Variants in SPOCK1 observed in about 807,000 individuals in gnomAD.
SPOCK1 encodes the protein testican-1.
In SPOCK1, 23 loss-of-function variants were observed where a neutral mutation model predicts 55.3. The ratio of observed to expected loss-of-function variants is 0.42; its 90% confidence interval spans 0.30 to 0.59. SPOCK1 has a LOEUF of 0.59. Among genes scored for constraint, SPOCK1 ranks in the 20% least tolerant of loss-of-function variants. SPOCK1 has a pLI of 0.22. For missense variants in SPOCK1, 499 were observed against 552.5 expected (o/e 0.90, Z 0.97); for synonymous variants, 226 against 221.0 (o/e 1.02, Z -0.20).
At chr5:137,198,466 G>C (rs1266140463) in intron 3 of SPOCK1, among the ~76,000 whole-genome samples, 1 of 152,210 alleles carries the variant, frequency 6.6e-6, no homozygotes, top group East Asian at 1.9e-4. Flanking sequence ...AGGGAGAAAG[G>C]AAAGTAAGCA....
At chr5:137,338,633 C>T (rs1430468884) in intron 2 of SPOCK1, among the ~76,000 whole-genome samples, 1 of 151,652 alleles carries the variant, frequency 6.6e-6, no homozygotes, top group Non-Finnish European at 1.5e-5. Context: ...ACAGTCCCAC[C>T]AACAGTGTAA....
chr5:136,989,357 G>T (rs1010345440), intron 7 of SPOCK1, among the ~76,000 whole-genome samples: 1 of 152,092 alleles, frequency 6.6e-6, no homozygotes, highest in Non-Finnish European at 1.5e-5. Flanking sequence ...TCAACACTCG[G>T]GATATTGAGT....
At chr5:137,204,630 T>TTGCCCC (rs139839109) in intron 3 of SPOCK1, among the ~76,000 whole-genome samples, 44 of 151,798 alleles carry the variant, frequency 2.9e-4, no homozygotes, top group African/African-American at 1.0e-3. Context: ...CTTCTAGCAC[T>TTGCCCC]TACCCCTAGG....
intron 2 of SPOCK1, among the ~76,000 whole-genome samples, chr5:137,369,756 G>A (rs1751157352): frequency 6.6e-6 from 1 of 152,170 alleles, no homozygotes; most frequent in South Asian, 2.1e-4. Context: ...GCAGATGGCT[G>A]CCTCCTGGCT....
At chr5:137,332,766 CTG>C (rs998526778) in intron 2 of SPOCK1, among the ~76,000 whole-genome samples, 148 of 152,242 alleles carry the variant, frequency 9.7e-4, no homozygotes, top group African/African-American at 3.3e-3. Flanking sequence ...CGAGAAGCAA[CTG>C]TGTGTGTGTA....
rs142871854 is a variant in SPOCK1 at position 137,334,281 on chromosome 5, G to A, written c.187-67226C>T. 7.7e-3 allele frequency among the ~76,000 whole-genome samples: 1,166 copies of A among 152,204 alleles called. 7 individuals carry two copies. The highest frequency in any genetic ancestry group is 0.034 in the Middle Eastern group (10 of 294). ...AGATTAATAGAAGAGGTGACTTTTC[G>A]AAAGCTTTCCTCTTTCAAATATATG... On this transcript the variant is annotated intron_variant, in intron 2 of 10. Transcript: ENST00000394945.
chr5:137,125,638 C>T (rs761004511), intron 4 of SPOCK1, among the ~76,000 whole-genome samples: 9 of 152,072 alleles, frequency 5.9e-5, no homozygotes, highest in Admixed American at 1.3e-4. Flanking sequence ...AGTGCCTTGA[C>T]CTGGAACTTC....
At chr5:137,099,406 T>A (rs1321957833) in intron 5 of SPOCK1, among the ~76,000 whole-genome samples, 1 of 152,162 alleles carries the variant, frequency 6.6e-6, no homozygotes, top group Non-Finnish European at 1.5e-5. Context: ...CTGTGTCCTA[T>A]ATATGTCTTT....
rs182958028 is a variant in SPOCK1 at position 137,008,037 on chromosome 5, G to A, written c.590-15437C>T. Among the ~76,000 whole-genome samples, 572 of 144,202 alleles carry A rather than the reference G, an allele frequency of 4.0e-3. 2 individuals are homozygous for A. The highest frequency in any genetic ancestry group is 0.014 in the African/African-American group (531 of 38,892). 94.6% of individuals were successfully genotyped at this position (144,202 alleles called of 152,430 possible). A position where few individuals can be genotyped will look rare whatever the true frequency, so the allele number is the denominator to read the frequency against. ...CATCATTCTCAGCAAACTAACACAG[G>A]AACAGAAAACCAAACACCGTATGTT... is the stretch of plus-strand genomic sequence containing the variant. On this transcript the variant is annotated intron_variant, in intron 6 of 10. Coordinates refer to ENST00000394945, the MANE Select transcript of SPOCK1 (RefSeq NM_004598.4).
chr5:136,983,619 C>CAAAAAAAAAAAA (rs11364379), intron 9 of SPOCK1, among the ~76,000 whole-genome samples: 2 of 135,340 alleles, frequency 1.5e-5, no homozygotes, highest in African/African-American at 2.6e-5. Flanking sequence ...CTCCTTGGAC[C>CAAAAAAAAAAAA]AAAAAAAAAA....
chr5:137,318,770 T>C (rs1757929456), intron 2 of SPOCK1, among the ~76,000 whole-genome samples: 1 of 152,210 alleles, frequency 6.6e-6, no homozygotes, highest in Non-Finnish European at 1.5e-5. Flanking sequence ...AGAGCATATA[T>C]GAGACAGCAC....
At chr5:137,228,500 G>A (rs923050947) in intron 3 of SPOCK1, among the ~76,000 whole-genome samples, 2 of 152,132 alleles carry the variant, frequency 1.3e-5, no homozygotes, top group African/African-American at 4.8e-5. Context: ...AAATTTAGCT[G>A]GGTGTGGTGG....
chr5:137,174,915 A>T lies in SPOCK1; in HGVS notation c.233-34221T>A, dbSNP rs76250007. 5.1e-3 allele frequency among the ~76,000 whole-genome samples: 771 copies of T among 152,252 alleles called. 7 individuals carry two copies. Among genetic ancestry groups the T allele is most frequent in the African/African-American group, 0.018 (757 of 41,572 alleles). Reference sequence around the variant, plus strand: ...CCCATGGAGCACCCCTCACTCTAGAAATAAAACCTTGCTAGAGGCCAAGGC... The same window carrying T: ...CCCATGGAGCACCCCTCACTCTAGATATAAAACCTTGCTAGAGGCCAAGGC... On this transcript the variant is annotated intron_variant, in intron 3 of 10. Transcript: ENST00000394945.
intron 5 of SPOCK1, among the ~76,000 whole-genome samples, chr5:137,109,947 G>T (rs1753437043): frequency 6.6e-6 from 1 of 152,148 alleles, no homozygotes; most frequent in African/African-American, 2.4e-5. Flanking sequence ...CTACCAGATG[G>T]TAACTTCCAA....
intron 3 of SPOCK1, among the ~76,000 whole-genome samples, chr5:137,164,230 T>C (rs1005252227): frequency 2.6e-5 from 4 of 152,184 alleles, no homozygotes; most frequent in African/African-American, 9.7e-5. Context: ...TTTGTCTTTT[T>C]TTTTTCTTAT....
intron 2 of SPOCK1, among the ~76,000 whole-genome samples, chr5:137,353,477 C>A (rs766235657): frequency 2.6e-5 from 4 of 152,158 alleles, no homozygotes; most frequent in Non-Finnish European, 5.9e-5. Context: ...ACAGCCCAAT[C>A]ACAAAGCCTC....
chr5:137,283,727 A>G (rs1276861271), intron 2 of SPOCK1, among the ~76,000 whole-genome samples: 2 of 151,628 alleles, frequency 1.3e-5, no homozygotes, highest in Admixed American at 1.3e-4. Context: ...AAACAAGATG[A>G]AACAAACAAA....
At chr5:137,054,722 T>C (rs1404879913) in intron 6 of SPOCK1, among the ~76,000 whole-genome samples, 2 of 152,214 alleles carry the variant, frequency 1.3e-5, no homozygotes, top group African/African-American at 4.8e-5. Context: ...CAACTCATAA[T>C]AGGAAGCAGA....
At chr5:137,456,799 A>T (rs1025264173) in intron 2 of SPOCK1, among the ~76,000 whole-genome samples, 2 of 152,338 alleles carry the variant, frequency 1.3e-5, no homozygotes, top group Non-Finnish European at 2.9e-5. Flanking sequence ...AACCAATGGG[A>T]AATTTATATA....
Sources: allele counts gnomAD v4.1 joint callset (sites outside exome capture counted in the v4.1 genomes callset), GRCh38; gene constraint gnomAD v4.1.1; transcripts MANE v1.5; gene names NCBI Gene and HGNC (gene_info 2026-07-23, HGNC 2026-07-21).